The following SLC22A8 variants were observed in gnomAD, a reference collection of about 807,000 sequenced individuals.
SLC22A8 encodes the protein solute carrier family 22 member 8.
In SLC22A8, 40 loss-of-function variants were observed where a neutral mutation model predicts 48.4. That is an observed-to-expected ratio of 0.83 (90% CI 0.64 to 1.08). The LOEUF is 1.08. SLC22A8 is among the 50% of genes least tolerant of loss of function. The pLI is 0.00. For missense variants in SLC22A8, 606 were observed against 699.0 expected (o/e 0.87, Z 1.50); for synonymous variants, 268 against 286.3 (o/e 0.94, Z 0.65).
intron 2 of SLC22A8, among the ~76,000 whole-genome samples, chr11:63,014,224 C>G (rs1007755975): frequency 6.6e-6 from 1 of 152,202 alleles, no homozygotes; most frequent in East Asian, 1.9e-4. Flanking sequence ...CCCTCACTCT[C>G]ACACCCACCC....
chr11:63,011,025 G>A (rs372533698), intron 2 of SLC22A8, among the ~76,000 whole-genome samples: 30 of 152,304 alleles, frequency 2.0e-4, no homozygotes, highest in African/African-American at 7.0e-4. Context: ...GTGATGACAG[G>A]GTGGGTGAGA....
intron 2 of SLC22A8, among the ~76,000 whole-genome samples, chr11:63,002,249 A>C (rs1319719396): frequency 6.6e-6 from 1 of 152,158 alleles, no homozygotes; most frequent in South Asian, 2.1e-4. Flanking sequence ...TATCATTTTT[A>C]ATTGGCAAAT....
intron 2 of SLC22A8, among the ~76,000 whole-genome samples, chr11:63,013,047 A>G (rs933331826): frequency 1.3e-5 from 2 of 152,144 alleles, no homozygotes; most frequent in Non-Finnish European, 2.9e-5. Flanking sequence ...CGAGCAAGCT[A>G]CTTAACCTCT....
intron 2 of SLC22A8, among the ~76,000 whole-genome samples, chr11:63,008,784 C>A (rs573217330): frequency 2.0e-5 from 3 of 152,300 alleles, no homozygotes; most frequent in African/African-American, 7.2e-5. Flanking sequence ...CAACACCCCC[C>A]GTCTTCTGTA....
In SLC22A8 at chr11:62,993,553, C is replaced by T. The variant is rs2086370291; in HGVS notation, c.1400G>A (p.Gly467Asp). ...ATTGGGGATGAAGGGCTGTACCTCA[C>T]CCGTGATTTTCACCAGCGGGGACAC... ...SMVSPLVKITGEVQPFIPNII... is the reference protein window; with the variant it reads ...SMVSPLVKITDEVQPFIPNII... The change falls in exon 10 of 11, where the codon GGT becomes GAT. Residue 467 changes from glycine (G) to aspartate (D), a missense_variant. Gly to Asp is a moderately conservative substitution (Grantham distance 94). Coordinates refer to ENST00000336232, the MANE Select transcript of SLC22A8 (RefSeq NM_004254.4). 6.2e-6 allele frequency: 10 copies of T among 1,614,064 alleles called. No homozygotes were observed. The East Asian group carries it at 2.2e-4, about 36-fold the overall frequency.
At chr11:63,012,415 C>T (rs1174541797) in intron 2 of SLC22A8, among the ~76,000 whole-genome samples, 1 of 152,164 alleles carries the variant, frequency 6.6e-6, no homozygotes, top group Non-Finnish European at 1.5e-5. Context: ...TGAGCTACTG[C>T]GCCCGGCCTT....
intron 5 of SLC22A8, among the ~76,000 whole-genome samples, chr11:62,996,953 G>T (rs974234189): frequency 4.6e-5 from 7 of 152,224 alleles, no homozygotes; most frequent in African/African-American, 1.7e-4. Flanking sequence ...AGTGGACATT[G>T]GTTGCCTGGC....
chr11:63,006,547 T>G (rs1199668141), intron 2 of SLC22A8, among the ~76,000 whole-genome samples: 1 of 151,502 alleles, frequency 6.6e-6, no homozygotes, highest in African/African-American at 2.4e-5. Context: ...ACTTGTTTGC[T>G]GTCCTGTATT....
At chr11:63,002,254 G>A (rs947713508) in intron 2 of SLC22A8, among the ~76,000 whole-genome samples, 1 of 151,802 alleles carries the variant, frequency 6.6e-6, no homozygotes. Flanking sequence ...TTTTTAATTG[G>A]CAAATCATAA....
rs746698882 is a variant in SLC22A8, at chr11:62,993,261, G to A, written c.1605C>T (p.His535=). The A allele has an allele frequency of 9.9e-6, 16 of 1,612,794 alleles. No individual in the cohort carries two copies. The East Asian group carries it at 1.1e-4, about 11-fold the overall frequency. ...CTCAGCTGGAGCCCAGGCCTGGTCC[G>A]TGAGGCTGTAGAGGGATCCTCTGGG... is the stretch of plus-strand genomic sequence containing the variant. ...KASQRIPLQP[H]GPGLGSS is the part of the protein sequence containing the mutation. The change falls in exon 11 of 11, where the codon CAC becomes CAT. Residue 535 remains histidine (H), a synonymous_variant. Coordinates refer to ENST00000336232, the MANE Select transcript of SLC22A8 (RefSeq NM_004254.4).
intron 2 of SLC22A8, among the ~76,000 whole-genome samples, chr11:63,010,993 C>T (rs1461884423): frequency 6.6e-6 from 1 of 151,900 alleles, no homozygotes; most frequent in East Asian, 1.9e-4. Context: ...GTTGATTGAG[C>T]ACTTGCCATG....
At chr11:63,003,974 GC>G (rs2135133068) in intron 2 of SLC22A8, among the ~76,000 whole-genome samples, 1 of 152,318 alleles carries the variant, frequency 6.6e-6, no homozygotes, top group South Asian at 2.1e-4. Flanking sequence ...TAATAACCTA[GC>G]CTATCCTGAT....
chr11:63,012,492 C>T (rs1395135542), intron 2 of SLC22A8, among the ~76,000 whole-genome samples: 5 of 152,250 alleles, frequency 3.3e-5, no homozygotes, highest in African/African-American at 4.8e-5. Context: ...GCCTGGAGTG[C>T]GCTGCTCACT....
intron 2 of SLC22A8, among the ~76,000 whole-genome samples, chr11:63,008,780 C>T (rs149319508): frequency 4.6e-5 from 7 of 152,272 alleles, no homozygotes; most frequent in East Asian, 1.9e-4. Flanking sequence ...CTCCCAACAC[C>T]CCCCGTCTTC....
chr11:62,995,837 G>A lies in SLC22A8; in HGVS notation c.886-18C>T, dbSNP rs200720347. ...TTGAGCTCCTTCGGGCAGAGGAGGG[G>A]GAGGGGTGCCATTAATGACCAGCTA... On this transcript the variant is annotated intron_variant, in intron 6 of 10. Transcript: ENST00000336232. 3.2e-4 allele frequency: 515 copies of A among 1,591,832 alleles called. 2 individuals carry two copies. The highest frequency in any genetic ancestry group is 2.7e-5 in the Non-Finnish European group (31 of 1,159,702).
Position 63,000,672 on chromosome 11 carries a change from G to T in SLC22A8, c.437+48C>A, listed in dbSNP as rs200956070. 23 of 1,359,076 alleles carry T rather than the reference G, an allele frequency of 1.7e-5. No individual in the cohort carries two copies. In the Admixed American group the frequency reaches 3.9e-4, roughly 23 times the overall value. 84.2% of individuals were successfully genotyped at this position (1,359,076 alleles called of 1,614,324 possible). ...CACGGGTGGAGCAGAGTAGGGAAGGGTTGTCCCCATGGGTCATGCTTCCAT... is the reference window on the plus strand; with the variant it reads ...CACGGGTGGAGCAGAGTAGGGAAGGTTTGTCCCCATGGGTCATGCTTCCAT... On this transcript the variant is annotated intron_variant, in intron 3 of 10. Transcript: ENST00000336232.
At chr11:63,003,740 G>A (rs1234776634) in intron 2 of SLC22A8, among the ~76,000 whole-genome samples, 1 of 152,126 alleles carries the variant, frequency 6.6e-6, no homozygotes, top group Non-Finnish European at 1.5e-5. Context: ...CACCTCATTT[G>A]CTTAAGAGGG....
In SLC22A8 at chr11:62,994,746, C is replaced by T. The variant is rs753503135; in HGVS notation, c.1012G>A (p.Gly338Ser). 2.5e-5 allele frequency: 40 copies of T among 1,614,014 alleles called. No homozygotes were observed. Among genetic ancestry groups the T allele is most frequent in the South Asian group, 1.3e-4 (12 of 91,080 alleles). Residue 338 changes from glycine to serine, a missense_variant, in exon 8 of 11, where the codon GGT becomes AGT. Gly to Ser is a moderately conservative substitution (Grantham distance 56). Coordinates refer to ENST00000336232, the MANE Select transcript of SLC22A8 (RefSeq NM_004254.4). ...ATAGCCAAACTATAGTAGGCAAAAC[C>T]GGTAGCAAACCTGAGAGGCAGAGAA... ...FCLSLAWFAT[G>S]FAYYSLAMGV...
intron 2 of SLC22A8, among the ~76,000 whole-genome samples, chr11:63,013,631 C>G (rs764839497): frequency 1.3e-5 from 2 of 152,214 alleles, no homozygotes; most frequent in Non-Finnish European, 2.9e-5. Context: ...TGGGCTTTAG[C>G]TGTAAATTCC....
Sources: gnomAD v4.1 joint callset for allele counts (sites outside exome capture counted in the v4.1 genomes callset) on GRCh38, gnomAD v4.1.1 for gene constraint, MANE v1.5 for transcripts, NCBI Gene and HGNC (gene_info 2026-07-23, HGNC 2026-07-21) for gene names.